LEPR: variants seen among roughly 807,000 people sequenced by gnomAD.
LEPR encodes the protein OB receptor.
A neutral mutation model predicts 114.7 loss-of-function variants in LEPR; 56 were observed. The ratio of observed to expected loss-of-function variants is 0.49; its 90% CI spans 0.39 to 0.61. LEPR has a LOEUF of 0.61. LEPR is among the 20% of genes least tolerant of loss of function. The pLI, the probability that LEPR is intolerant of heterozygous loss-of-function variation, is 0.00. For synonymous variants in LEPR, 443 were observed against 461.4 expected (o/e 0.96, Z 0.51); for missense variants, 1,202 against 1,352.9 (o/e 0.89, Z 1.75).
chr1:65,546,091 C>T (rs1024248224), intron 2 of LEPR, among the ~76,000 whole-genome samples: 8 of 152,058 alleles, frequency 5.3e-5, no homozygotes, highest in African/African-American at 1.7e-4. Flanking sequence ...TTGTTTTTCT[C>T]AGGTTTGTCA....
At chr1:65,595,743 T>C (rs1374369725) in intron 6 of LEPR, among the ~76,000 whole-genome samples, 1 of 152,106 alleles carries the variant, frequency 6.6e-6, no homozygotes. Context: ...CTTGCTAATA[T>C]AGAGATGAAC....
chr1:65,526,918 A>G (rs1650012352), intron 2 of LEPR, among the ~76,000 whole-genome samples: 1 of 152,232 alleles, frequency 6.6e-6, no homozygotes, highest in South Asian at 2.1e-4. Flanking sequence ...ATATGCATTT[A>G]TGACTTAGGC....
At chr1:65,634,857 T>A (rs913276806) in intron 19 of LEPR, 60 of 878,168 alleles carry the variant, frequency 6.8e-5, no homozygotes, top group Non-Finnish European at 7.9e-5. Context: ...AAGAAATGTA[T>A]AAAACCATAG....
intron 3 of LEPR, among the ~76,000 whole-genome samples, chr1:65,566,499 C>G (rs539670674): frequency 6.6e-6 from 1 of 152,128 alleles, no homozygotes; most frequent in African/African-American, 2.4e-5. Flanking sequence ...CGTGCCCAGC[C>G]GATACATTGC....
intron 2 of LEPR, among the ~76,000 whole-genome samples, chr1:65,498,502 A>G (rs1441989873): frequency 6.6e-6 from 1 of 152,204 alleles, no homozygotes; most frequent in African/African-American, 2.4e-5. Flanking sequence ...ATAATGACCC[A>G]AGAATGACGA....
chr1:65,550,517 A>G (rs187534126), intron 2 of LEPR, among the ~76,000 whole-genome samples: 1 of 152,204 alleles, frequency 6.6e-6, no homozygotes, highest in Admixed American at 6.5e-5. Flanking sequence ...AGCCTGGGCC[A>G]TGGCGGGTGC....
At chr1:65,573,036 C>T (rs76227390) in intron 5 of LEPR, among the ~76,000 whole-genome samples, 3,760 of 152,274 alleles carry the variant, frequency 0.025, 83 homozygotes, top group Non-Finnish European at 0.034. Flanking sequence ...TGGCTCCCCT[C>T]GTCAGAGCAA....
At chr1:65,429,331 GA>G (rs899833000) in intron 2 of LEPR, among the ~76,000 whole-genome samples, 10 of 152,094 alleles carry the variant, frequency 6.6e-5, no homozygotes, top group African/African-American at 2.4e-4. Flanking sequence ...TCAAGGGACA[GA>G]AAAAAGGCTG....
chr1:65,585,977 A>C (rs1288728516), intron 5 of LEPR, among the ~76,000 whole-genome samples: 1 of 152,066 alleles, frequency 6.6e-6, no homozygotes, highest in African/African-American at 2.4e-5. Context: ...TAAAGAAAAG[A>C]ATCATTTGAA....
intron 2 of LEPR, among the ~76,000 whole-genome samples, chr1:65,494,769 C>T (rs867887339): frequency 6.6e-5 from 10 of 152,040 alleles, no homozygotes; most frequent in Non-Finnish European, 1.0e-4. Flanking sequence ...TAATCTTTGG[C>T]GCCTAATCTC....
intron 2 of LEPR, among the ~76,000 whole-genome samples, chr1:65,442,830 T>A (rs1299845354): frequency 6.6e-6 from 1 of 152,174 alleles, no homozygotes; most frequent in African/African-American, 2.4e-5. Flanking sequence ...TCGGCACAGA[T>A]GTGACATTTG....
At chr1:65,427,228 G>A (rs764951541) in intron 2 of LEPR, among the ~76,000 whole-genome samples, 2 of 152,038 alleles carry the variant, frequency 1.3e-5, no homozygotes, top group African/African-American at 2.4e-5. Flanking sequence ...CTCATTTCTC[G>A]CTGGGAAACC....
intron 2 of LEPR, among the ~76,000 whole-genome samples, chr1:65,455,068 A>T (rs1224476315): frequency 1.2e-4 from 18 of 152,112 alleles, no homozygotes; most frequent in Non-Finnish European, 8.8e-5. Flanking sequence ...CTTCCAGTTG[A>T]TCGCATCGGC....
At chr1:65,566,312 C>T (rs1383090668) in intron 3 of LEPR, among the ~76,000 whole-genome samples, 2 of 150,148 alleles carry the variant, frequency 1.3e-5, no homozygotes, top group African/African-American at 2.4e-5. Context: ...AAGCAATTCT[C>T]CTGCCTCAGC....
At chr1:65,558,422 T>C (rs1442962192) in intron 2 of LEPR, among the ~76,000 whole-genome samples, 1 of 150,648 alleles carries the variant, frequency 6.6e-6, no homozygotes, top group African/African-American at 2.4e-5. Flanking sequence ...TTTTTCCATT[T>C]ACTTATCATG....
chr1:65,502,263 G>A (rs1368614443), intron 2 of LEPR, among the ~76,000 whole-genome samples: 1 of 152,058 alleles, frequency 6.6e-6, no homozygotes, highest in African/African-American at 2.4e-5. Flanking sequence ...CATACCAAGA[G>A]ACTCCAGGTA....
intron 2 of LEPR, among the ~76,000 whole-genome samples, chr1:65,557,918 A>T (rs1250941020): frequency 6.6e-6 from 1 of 152,170 alleles, no homozygotes; most frequent in Admixed American, 6.5e-5. Context: ...AATCCAAACC[A>T]TCAGAATAGT....
chr1:65,579,391 A>G (rs968899099), intron 5 of LEPR, among the ~76,000 whole-genome samples: 2 of 152,176 alleles, frequency 1.3e-5, no homozygotes, highest in Non-Finnish European at 2.9e-5. Context: ...GAGCCATTGA[A>G]GATATTTTAT....
intron 2 of LEPR, among the ~76,000 whole-genome samples, chr1:65,547,302 C>T (rs1044925191): frequency 2.0e-5 from 3 of 152,198 alleles, no homozygotes; most frequent in African/African-American, 7.2e-5. Context: ...GCTTTGGTAT[C>T]AGGATGATGC....
Sources: gnomAD v4.1 joint callset for allele counts (sites outside exome capture counted in the v4.1 genomes callset) on GRCh38, gnomAD v4.1.1 for gene constraint, MANE v1.5 for transcripts, NCBI Gene and HGNC (gene_info 2026-07-23, HGNC 2026-07-21) for gene names.